The following GRXCR2 variants were observed in gnomAD, a reference collection of about 807,000 sequenced individuals.
GRXCR2 encodes the protein glutaredoxin domain-containing cysteine-rich protein 2.
GRXCR2 carries 23 observed loss-of-function variants against 24.8 expected under a neutral mutation model. The ratio of observed to expected loss-of-function variants is 0.93; its 90% CI spans 0.67 to 1.32. The LOEUF (loss-of-function observed/expected upper bound fraction) is 1.32. GRXCR2 is among the 40% of genes most tolerant of loss of function. GRXCR2 has a pLI of 0.00. For missense variants in GRXCR2, 315 were observed against 303.4 expected (o/e 1.04, Z -0.28); for synonymous variants, 130 against 116.1 (o/e 1.12, Z -0.77).
In GRXCR2 at chr5:145,866,688, G is replaced by C; in HGVS notation, c.377C>G (p.Thr126Ser). 6.2e-7 allele frequency: 1 copy of C among 1,613,208 alleles called. No homozygotes were observed. Among genetic ancestry groups the C allele is most frequent in the Non-Finnish European group, 8.5e-7 (1 of 1,179,146 alleles). The change falls in exon 2 of 3, where the codon ACT (threonine) becomes AGT (serine). Residue 126 changes from threonine (T) to serine (S), a missense_variant. Coordinates refer to ENST00000377976, the MANE Select transcript of GRXCR2 (RefSeq NM_001080516.2). ...GGTTCGAATGATTTTCAGGTTATTA[G>C]TGTAGATGATTATCTTTCCAAAATC... ...IIDFGKIIIY[T>S]NNLKIIRTPM...
chr5:145,915,099 TC>T (rs1171658469), intron 2 of GRXCR2, among the ~76,000 whole-genome samples: 1 of 152,174 alleles, frequency 6.6e-6, no homozygotes, highest in Non-Finnish European at 1.5e-5. Flanking sequence ...AACCTTGAGA[TC>T]TGCTGTCCCA....
intron 2 of GRXCR2, among the ~76,000 whole-genome samples, chr5:145,911,341 T>C (rs1310675708): frequency 6.6e-6 from 1 of 152,160 alleles, no homozygotes; most frequent in Non-Finnish European, 1.5e-5. Context: ...CCCCTGTGCA[T>C]TGCAGTGATG....
intron 2 of GRXCR2, among the ~76,000 whole-genome samples, chr5:145,924,622 G>A (rs551567041): frequency 2.6e-5 from 4 of 152,288 alleles, no homozygotes; most frequent in South Asian, 2.1e-4. Context: ...GGGATGACAC[G>A]AAGATTAAGA....
At chr5:145,870,863 G>A (rs899985476) in intron 1 of GRXCR2, among the ~76,000 whole-genome samples, 2 of 152,056 alleles carry the variant, frequency 1.3e-5, no homozygotes, top group Non-Finnish European at 2.9e-5. Flanking sequence ...CCTTCAACAT[G>A]GCCTCTAAAA....
intron 2 of GRXCR2, among the ~76,000 whole-genome samples, chr5:145,889,655 C>T (rs911389948): frequency 6.6e-6 from 1 of 152,128 alleles, no homozygotes; most frequent in Non-Finnish European, 1.5e-5. Context: ...AATTCTGCCA[C>T]CATGAAAAAT....
intron 2 of GRXCR2, among the ~76,000 whole-genome samples, chr5:145,900,951 T>G (rs1043413155): frequency 1.3e-5 from 2 of 152,158 alleles, no homozygotes; most frequent in Non-Finnish European, 2.9e-5. Context: ...TGTGGAACAC[T>G]ATGCAGCCAT....
At chr5:145,913,399 C>A (rs1452776909) in intron 2 of GRXCR2, among the ~76,000 whole-genome samples, 1 of 150,970 alleles carries the variant, frequency 6.6e-6, no homozygotes, top group East Asian at 2.0e-4. Flanking sequence ...GGCTCAGGAA[C>A]TAGGCAAGAG....
chr5:145,882,142 A>G (rs1359315486), intron 2 of GRXCR2, among the ~76,000 whole-genome samples: 2 of 152,226 alleles, frequency 1.3e-5, no homozygotes, highest in African/African-American at 4.8e-5. Flanking sequence ...ACCAAAAGCA[A>G]TGACAACGAA....
In GRXCR2 at chr5:145,892,224, G is replaced by A. The variant is rs185770977; in HGVS notation, c.-69-25496C>T. Among the ~76,000 whole-genome samples, 695 of 152,266 alleles carry A rather than the reference G, an allele frequency of 4.6e-3. 6 individuals are homozygous for A. The highest frequency in any genetic ancestry group is 0.016 in the African/African-American group (657 of 41,548). On this transcript the variant is annotated intron_variant, in intron 2 of 3. Coordinates refer to the GRXCR2 transcript ENST00000639411. ...AACTGGAAACTCTAAAAATCAGAGC[G>A]CCTCTCCTCCTCCAAAGGAACGCAG...
At position 145,884,570 on chromosome 5, in the gene GRXCR2, C is replaced by G. The variant is rs540115316; in HGVS notation, c.-69-17842G>C. On this transcript the variant is annotated intron_variant, in intron 2 of 3. Coordinates refer to the GRXCR2 transcript ENST00000639411. ...GTAATTTATTATTAAAAAGTTTATC[C>G]CCTCAATATATATGCCTATATAATA... 2.0e-4 allele frequency among the ~76,000 whole-genome samples: 31 copies of G among 151,584 alleles called. 1 individual carries two copies. Among genetic ancestry groups the G allele is most frequent in the African/African-American group, 7.3e-4 (30 of 41,338 alleles).
intron 2 of GRXCR2, among the ~76,000 whole-genome samples, chr5:145,898,580 C>G (rs987767022): frequency 6.6e-6 from 1 of 152,058 alleles, no homozygotes; most frequent in East Asian, 1.9e-4. Context: ...AAAAGTTAAT[C>G]CACCATGATC....
intron 1 of GRXCR2, among the ~76,000 whole-genome samples, chr5:145,867,544 G>A (rs953607964): frequency 1.3e-5 from 2 of 152,156 alleles, no homozygotes; most frequent in South Asian, 2.1e-4. Flanking sequence ...GATTTGTCAT[G>A]TGTTACTTAA....
upstream of GRXCR2, among the ~76,000 whole-genome samples, chr5:145,876,235 C>CA (rs1756616223): frequency 3.6e-4 from 49 of 134,286 alleles, 1 homozygote; most frequent in South Asian, 7.9e-3. Context: ...ACACACATAC[C>CA]CACACACACA....
upstream of GRXCR2, among the ~76,000 whole-genome samples, chr5:145,873,526 C>T (rs913723843): frequency 6.6e-6 from 1 of 152,184 alleles, no homozygotes; most frequent in Non-Finnish European, 1.5e-5. Context: ...CTCTATTACA[C>T]CTAAGTAAGT....
intron 2 of GRXCR2, among the ~76,000 whole-genome samples, chr5:145,911,373 A>C (rs1360607266): frequency 6.6e-6 from 1 of 152,232 alleles, no homozygotes; most frequent in Non-Finnish European, 1.5e-5. Context: ...TTCCCAGGGC[A>C]GCTGCAGTTG....
At position 145,893,301 on chromosome 5, in the gene GRXCR2, A is replaced by G. The variant is rs575489741; in HGVS notation, c.-69-26573T>C. On this transcript the variant is annotated intron_variant, in intron 2 of 3. Coordinates refer to the GRXCR2 transcript ENST00000639411. ...ATAACAATATTAATCTTAAATGTAA[A>G]TGGGCTAAATGCTCCAATTAAAAGA... 3.6e-3 allele frequency among the ~76,000 whole-genome samples: 546 copies of G among 152,340 alleles called. 2 individuals are homozygous for G. Among genetic ancestry groups the G allele is most frequent in the Non-Finnish European group, 5.3e-3 (359 of 68,038 alleles).
upstream of GRXCR2, among the ~76,000 whole-genome samples, chr5:145,875,588 GA>G (rs1488058454): frequency 1.3e-5 from 2 of 151,972 alleles, no homozygotes; most frequent in African/African-American, 2.4e-5. Flanking sequence ...AGGATCAGAA[GA>G]TTTTTTTTTT....
In GRXCR2 at chr5:145,872,696, A is replaced by T; in HGVS notation, c.273T>A (p.Gly91=). The change falls in exon 1 of 3, where the codon GGT becomes GGA. Residue 91 remains glycine, a synonymous_variant. Transcript: ENST00000377976. The stretch of plus-strand genomic sequence containing the variant: ...GGCCGCCTGCCAAGGTGTAGGCATT[A>T]CCCTCTCTAAACACACTGATCCTCT... The part of the protein sequence containing the change: ...TAQRISVFRE[G]NAYTLAGGQP... 5.0e-6 allele frequency: 8 copies of T among 1,613,580 alleles called. No homozygotes were observed. Among genetic ancestry groups the T allele is most frequent in the Non-Finnish European group, 6.8e-6 (8 of 1,179,576 alleles).
rs200430935 is a variant in GRXCR2, at chr5:145,872,645, C to T, written c.324G>A (p.Ala108=). The change falls in exon 1 of 3, where the codon GCG becomes GCA. Residue 108 remains alanine (A), a synonymous_variant. Transcript: ENST00000377976. ...GCACAATACCAACCTTATGGTCATT[C>T]GCCTTGTAATCGTTGAACCGAGGCT... is the stretch of plus-strand genomic sequence containing the variant. ...GGQPRFNDYK[A]NDHKPLPIID... 155 of 1,600,036 alleles carry T rather than the reference C, an allele frequency of 9.7e-5. 1 individual carries two copies. In the East Asian group the frequency reaches 2.9e-3, roughly 30 times the overall value.
Sources: allele counts gnomAD v4.1 joint callset (sites outside exome capture counted in the v4.1 genomes callset), GRCh38; gene constraint gnomAD v4.1.1; transcripts MANE v1.5; gene names NCBI Gene and HGNC (gene_info 2026-07-23, HGNC 2026-07-21).